Variants in TXNL1 observed in about 807,000 individuals in gnomAD.
The protein encoded by TXNL1 is thioredoxin-like protein 1.
TXNL1 carries 14 observed loss-of-function variants against 35.5 expected under a neutral mutation model. That is an observed-to-expected ratio of 0.39 (90% CI 0.26 to 0.62). The LOEUF is 0.62. Among genes scored for constraint, TXNL1 ranks in the 20% least tolerant of loss-of-function variants. TXNL1 has a pLI of 0.47. For missense variants in TXNL1, 263 were observed against 349.7 expected (o/e 0.75, Z 1.98); for synonymous variants, 110 against 115.5 (o/e 0.95, Z 0.31).
chr18:56,617,692 G>A (rs1487608529), intron 4 of TXNL1, among the ~76,000 whole-genome samples: 1 of 152,146 alleles, frequency 6.6e-6, no homozygotes, highest in Non-Finnish European at 1.5e-5. Flanking sequence ...TCATCTGAGT[G>A]GGAAGAAGGT....
intron 2 of TXNL1, chr18:56,626,149 G>A (rs534763417): frequency 1.6e-6 from 2 of 1,245,278 alleles, no homozygotes; most frequent in Admixed American, 3.7e-5. Context: ...ATCAGAAGGT[G>A]ATTAATACAA....
At chr18:56,622,311 T>C (rs1190126655) in intron 3 of TXNL1, among the ~76,000 whole-genome samples, 1 of 152,058 alleles carries the variant, frequency 6.6e-6, no homozygotes, top group African/African-American at 2.4e-5. Context: ...ACAACTTAAA[T>C]GCAATGCATG....
chr18:56,629,226 G>A (rs2024332791), intron 1 of TXNL1, among the ~76,000 whole-genome samples: 1 of 152,180 alleles, frequency 6.6e-6, no homozygotes, highest in Non-Finnish European at 1.5e-5. Flanking sequence ...TGGAAAACTA[G>A]TTTAAAAAGT....
chr18:56,623,016 CA>C (rs1218799716), intron 3 of TXNL1, among the ~76,000 whole-genome samples: 7 of 149,490 alleles, frequency 4.7e-5, no homozygotes, highest in African/African-American at 1.8e-4. Flanking sequence ...AAGAATCTCT[CA>C]TTTTTTTTTT....
At chr18:56,627,856 CT>C (rs1356454259) in intron 1 of TXNL1, among the ~76,000 whole-genome samples, 11 of 117,688 alleles carry the variant, frequency 9.3e-5, no homozygotes, top group African/African-American at 4.6e-4. Flanking sequence ...ACAAGAAGTA[CT>C]AAAAAAAAAA....
chr18:56,624,489 T>C lies in TXNL1; in HGVS notation c.196-28A>G, dbSNP rs376656862. 2.5e-5 allele frequency: 40 copies of C among 1,593,618 alleles called. 1 individual carries two copies. In the African/African-American group the frequency reaches 3.0e-4, roughly 12 times the overall value. On this transcript the variant is annotated intron_variant, in intron 2 of 7. Transcript: ENST00000217515. Reference sequence around the variant, plus strand: ...AGAATTGGCAAGTTGGACAGTGTTATGAATTAAATCTTAAACCACTTTGAA... The same window carrying C: ...AGAATTGGCAAGTTGGACAGTGTTACGAATTAAATCTTAAACCACTTTGAA...
At chr18:56,603,393 G>A (rs899878515) in intron 7 of TXNL1, among the ~76,000 whole-genome samples, 1 of 151,116 alleles carries the variant, frequency 6.6e-6, no homozygotes, top group African/African-American at 2.4e-5. Context: ...ACTATTTTTA[G>A]ATAGTTAGAA....
chr18:56,614,719 C>G, intron 5 of TXNL1, 123 bp from the exon 6 acceptor site: 4 of 768,636 alleles, frequency 5.2e-6, no homozygotes, highest in Non-Finnish European at 7.8e-6. Flanking sequence ...TCAAATAACT[C>G]CATTATTAGA....
At chr18:56,611,240 CT>C in intron 6 of TXNL1, 143 bp from the exon 7 acceptor site, 1 of 530,528 alleles carries the variant, frequency 1.9e-6, no homozygotes, top group Non-Finnish European at 3.2e-6. Flanking sequence ...TGGCTCACGT[CT>C]GTAATCCCAG....
Position 56,602,423 on chromosome 18 carries a change from A to G in TXNL1, c.*604T>C, listed in dbSNP as rs2023822762. The G allele has an allele frequency of 1.3e-5, 2 of 151,572 alleles. No homozygotes were observed. Among genetic ancestry groups the G allele is most frequent in the African/African-American group, 2.4e-5 (1 of 41,286 alleles). The allele number at this position is 151,572 out of a possible 1,614,324, so 9.4% of individuals were successfully genotyped here. A position where few individuals can be genotyped will look rare whatever the true frequency, so the allele number is the denominator to read the frequency against. The stretch of plus-strand genomic sequence containing the variant: ...AAAAAAAAAGGCTGACTCAAATTTT[A>G]AAGTTTACCAGAAGAGATTAAAATC... On this transcript the variant is annotated 3_prime_UTR_variant, in exon 8 of 8. Coordinates refer to ENST00000217515, the MANE Select transcript of TXNL1 (RefSeq NM_004786.3).
At position 56,616,325 on chromosome 18, in the gene TXNL1, A is replaced by G; in HGVS notation, c.493-11T>C. On this transcript the variant is annotated splice_polypyrimidine_tract_variant and intron_variant, in intron 4 of 7. Transcript: ENST00000217515. ...CACAGTAATAAGCAGCTGTGAAGATAAGAGTTTCATTTTAAAGGGCTCTTG... is the reference window on the plus strand; with the variant it reads ...CACAGTAATAAGCAGCTGTGAAGATGAGAGTTTCATTTTAAAGGGCTCTTG... 1 of 1,612,996 alleles carries G rather than the reference A, an allele frequency of 6.2e-7. No individual in the cohort carries two copies. Among genetic ancestry groups the G allele is most frequent in the Non-Finnish European group, 8.5e-7 (1 of 1,179,404 alleles).
intron 5 of TXNL1, among the ~76,000 whole-genome samples, chr18:56,615,037 T>C (rs1166562681): frequency 1.3e-5 from 2 of 152,222 alleles, no homozygotes; most frequent in Admixed American, 6.5e-5. Flanking sequence ...AGTTGGTACA[T>C]TCAGTTATTT....
intron 3 of TXNL1, among the ~76,000 whole-genome samples, chr18:56,622,586 T>A (rs574067481): frequency 8.5e-4 from 129 of 152,320 alleles, no homozygotes; most frequent in African/African-American, 3.1e-3. Flanking sequence ...TCATATTTTA[T>A]CCATAACATT....
rs2023765060 is a variant in TXNL1 at position 56,598,045 on chromosome 18, T to C, written c.*4982A>G. 6.6e-6 allele frequency: 1 copy of C among 152,222 alleles called. No individual in the cohort carries two copies. Among genetic ancestry groups the C allele is most frequent in the Non-Finnish European group, 1.5e-5 (1 of 68,052 alleles). The allele number at this position is 152,222 out of a possible 1,614,324, so 9.4% of individuals were successfully genotyped here. Reference sequence around the variant, plus strand: ...CTTGCTCTTTCAGCTTCTCCTTCACTTCCCTAGAATGTCTCTTACACTTAA... The same window carrying C: ...CTTGCTCTTTCAGCTTCTCCTTCACCTCCCTAGAATGTCTCTTACACTTAA... On this transcript the variant is annotated 3_prime_UTR_variant, in exon 8 of 8. Transcript: ENST00000217515.
intron 7 of TXNL1, chr18:56,608,936 A>C (rs1436183702): frequency 6.7e-6 from 1 of 149,036 alleles, no homozygotes; most frequent in Non-Finnish European, 1.5e-5. Context: ...GACAGAACAA[A>C]ACCCTGTCTC....
chr18:56,621,396 G>C (rs767480443), intron 3 of TXNL1, among the ~76,000 whole-genome samples: 28 of 152,022 alleles, frequency 1.8e-4, no homozygotes, highest in Non-Finnish European at 3.8e-4. Flanking sequence ...GGTTTCTGAT[G>C]TTGGCCAGGC....
chr18:56,623,100 C>G (rs1332416915), intron 3 of TXNL1, among the ~76,000 whole-genome samples: 1 of 152,028 alleles, frequency 6.6e-6, no homozygotes, highest in Non-Finnish European at 1.5e-5. Context: ...TGACACAGAT[C>G]TGCTTTAATA....
chr18:56,597,464 T>C lies in TXNL1; in HGVS notation c.*5563A>G, dbSNP rs1410595027. On this transcript the variant is annotated 3_prime_UTR_variant, in exon 8 of 8. Coordinates refer to ENST00000217515, the MANE Select transcript of TXNL1 (RefSeq NM_004786.3). ...AGACTGTTTCCACAATTTAATGGAT[T>C]AAACAACTGGACATCCCAGCTAATT... 1 of 152,236 alleles carries C rather than the reference T, an allele frequency of 6.6e-6. No individual in the cohort carries two copies. The highest frequency in any genetic ancestry group is 1.5e-5 in the Non-Finnish European group (1 of 68,040). 9.4% of individuals were successfully genotyped at this position (152,236 alleles called of 1,614,324 possible). A position where few individuals can be genotyped will look rare whatever the true frequency, so the allele number is the denominator to read the frequency against.
intron 3 of TXNL1, 125 bp downstream of exon 3, chr18:56,624,163 C>G: frequency 9.3e-7 from 1 of 1,075,958 alleles, no homozygotes; most frequent in Non-Finnish European, 1.3e-6. Context: ...TTTGAAAGCT[C>G]TTATTTAAAA....
Sources: allele counts gnomAD v4.1 joint callset (sites outside exome capture counted in the v4.1 genomes callset), GRCh38; gene constraint gnomAD v4.1.1; transcripts MANE v1.5; gene names NCBI Gene and HGNC (gene_info 2026-07-23, HGNC 2026-07-21).